The following ASXL2 variants were observed in gnomAD, a reference collection of about 807,000 sequenced individuals.
ASXL2 encodes the protein putative Polycomb group protein ASXL2.
ASXL2 carries 23 observed loss-of-function variants against 122.0 expected under a neutral mutation model. That is an observed-to-expected ratio of 0.19 (90% confidence interval 0.14 to 0.27). The LOEUF (loss-of-function observed/expected upper bound fraction) is 0.27. Ranked by LOEUF, ASXL2 falls within the 10% of genes least tolerant of loss-of-function variation. ASXL2 has a pLI of 1.00. For missense variants in ASXL2, 1,518 were observed against 1,713.8 expected (o/e 0.89, Z 2.02); for synonymous variants, 650 against 637.0 (o/e 1.02, Z -0.31).
At chr2:25,826,782 A>T (rs907620856) in intron 3 of ASXL2, among the ~76,000 whole-genome samples, 2 of 150,758 alleles carry the variant, frequency 1.3e-5, no homozygotes, top group African/African-American at 4.9e-5. Flanking sequence ...AAAAAAAAAA[A>T]AAAAAGTCAT....
At chr2:25,808,052 T>C (rs1161648151) in intron 3 of ASXL2, among the ~76,000 whole-genome samples, 1 of 137,370 alleles carries the variant, frequency 7.3e-6, no homozygotes, top group East Asian at 2.0e-4. Context: ...ATACATGACT[T>C]AGGGCCAAAA....
intron 3 of ASXL2, among the ~76,000 whole-genome samples, chr2:25,826,447 T>C (rs1037330996): frequency 6.6e-6 from 1 of 152,220 alleles, no homozygotes; most frequent in East Asian, 1.9e-4. Flanking sequence ...TTCATCAGTG[T>C]CTGCCAATAT....
chr2:25,807,012 T>C (rs1397681795), intron 3 of ASXL2, among the ~76,000 whole-genome samples: 4 of 152,090 alleles, frequency 2.6e-5, no homozygotes, highest in African/African-American at 9.7e-5. Context: ...TTGAAGACAA[T>C]GTTTCTACAT....
At chr2:25,820,991 A>G (rs1356403115) in intron 3 of ASXL2, among the ~76,000 whole-genome samples, 1 of 151,260 alleles carries the variant, frequency 6.6e-6, no homozygotes, top group Non-Finnish European at 1.5e-5. Flanking sequence ...ACATGGAGAA[A>G]TCCCATGGAG....
intron 1 of ASXL2, chr2:25,857,063 T>C (rs1390094552): frequency 9.1e-6 from 1 of 110,344 alleles, no homozygotes; most frequent in Non-Finnish European, 1.7e-5. Flanking sequence ...ATCATTGTGT[T>C]ATTGGCTGTT....
chr2:25,854,373 G>A (rs1484417938), intron 1 of ASXL2, among the ~76,000 whole-genome samples: 1 of 152,190 alleles, frequency 6.6e-6, no homozygotes, highest in African/African-American at 2.4e-5. Flanking sequence ...CTATGAGGTA[G>A]ATACTATCAG....
At chr2:25,878,136 C>T in intron 1 of ASXL2, 30 bp downstream of exon 1, 2 of 1,613,098 alleles carry the variant, frequency 1.2e-6, no homozygotes, top group East Asian at 2.2e-5. Flanking sequence ...AAAATCCTCC[C>T]GGCCTTCCCC....
chr2:25,782,335 A>G (rs1267642448), intron 5 of ASXL2, among the ~76,000 whole-genome samples: 1 of 152,002 alleles, frequency 6.6e-6, no homozygotes, highest in Non-Finnish European at 1.5e-5. Context: ...ATCTGAGGTC[A>G]GGAGTTTCAG....
At chr2:25,787,720 A>G (rs998033849) in intron 5 of ASXL2, among the ~76,000 whole-genome samples, 3 of 152,236 alleles carry the variant, frequency 2.0e-5, no homozygotes, top group African/African-American at 7.2e-5. Flanking sequence ...AGACAGAAAA[A>G]TCCATAGCAT....
At chr2:25,849,875 AT>A (rs1057358194) in intron 1 of ASXL2, among the ~76,000 whole-genome samples, 34 of 152,170 alleles carry the variant, frequency 2.2e-4, no homozygotes, top group Non-Finnish European at 4.7e-4. Flanking sequence ...ATTATACTAA[AT>A]TTTTTCAGAC....
At chr2:25,745,645 T>TTA (rs1168292319) in intron 12 of ASXL2, among the ~76,000 whole-genome samples, 1 of 138,700 alleles carries the variant, frequency 7.2e-6, no homozygotes, top group African/African-American at 2.7e-5. Context: ...TTCCTTCTTT[T>TTA]TTTTTTTTTT....
At chr2:25,822,282 C>A (rs1364011070) in intron 3 of ASXL2, among the ~76,000 whole-genome samples, 1 of 152,238 alleles carries the variant, frequency 6.6e-6, no homozygotes, top group East Asian at 1.9e-4. Flanking sequence ...AGGGGCCGCT[C>A]TTTCTGCGCG....
intron 5 of ASXL2, among the ~76,000 whole-genome samples, chr2:25,772,438 A>G (rs2088471393): frequency 6.6e-6 from 1 of 152,184 alleles, no homozygotes; most frequent in Non-Finnish European, 1.5e-5. Flanking sequence ...AGATGTCATA[A>G]AAGTACACAC....
At chr2:25,819,715 A>G (rs1319924382) in intron 3 of ASXL2, among the ~76,000 whole-genome samples, 2 of 152,252 alleles carry the variant, frequency 1.3e-5, no homozygotes, top group Admixed American at 1.3e-4. Context: ...GTAAAGATAC[A>G]TGAAAACTAA....
intron 3 of ASXL2, among the ~76,000 whole-genome samples, chr2:25,815,982 C>A (rs1313361909): frequency 6.6e-6 from 1 of 152,036 alleles, no homozygotes; most frequent in East Asian, 1.9e-4. Context: ...AAAAGATTAC[C>A]CTTATGCATC....
chr2:25,855,979 C>T (rs536774091), intron 1 of ASXL2, among the ~76,000 whole-genome samples: 1 of 151,880 alleles, frequency 6.6e-6, no homozygotes, highest in Admixed American at 6.6e-5. Flanking sequence ...CCACAGCCTC[C>T]GTCTCCCGGG....
At chr2:25,857,760 A>T (rs528166171) in intron 1 of ASXL2, among the ~76,000 whole-genome samples, 1 of 152,294 alleles carries the variant, frequency 6.6e-6, no homozygotes, top group East Asian at 1.9e-4. Context: ...CACAGCACTT[A>T]CCACTAACAT....
intron 5 of ASXL2, among the ~76,000 whole-genome samples, chr2:25,777,502 A>G (rs2088567025): frequency 6.6e-6 from 1 of 151,958 alleles, no homozygotes; most frequent in African/African-American, 2.4e-5. Flanking sequence ...AATTAGCTGG[A>G]CATGGTGGCA....
intron 1 of ASXL2, among the ~76,000 whole-genome samples, chr2:25,865,026 T>C (rs1290367080): frequency 6.7e-6 from 1 of 148,472 alleles, no homozygotes; most frequent in Non-Finnish European, 1.5e-5. Context: ...TTTTGCCATG[T>C]TGGCCAGCTT....
Sources: gnomAD v4.1 joint callset for allele counts (sites outside exome capture counted in the v4.1 genomes callset) on GRCh38, gnomAD v4.1.1 for gene constraint, MANE v1.5 for transcripts, NCBI Gene and HGNC (gene_info 2026-07-23, HGNC 2026-07-21) for gene names.